Variants in SYT17 observed in about 807,000 individuals in gnomAD.
The protein encoded by SYT17 is synaptotagmin-17.
A neutral mutation model predicts 46.7 loss-of-function variants in SYT17; 22 were observed. The observed-to-expected ratio is 0.47, with a 90% CI of 0.34 to 0.67. The LOEUF (loss-of-function observed/expected upper bound fraction) is 0.67, where lower values mean the gene tolerates loss of function less well. Ranked by LOEUF, SYT17 falls within the 30% of genes least tolerant of loss-of-function variation. The pLI, the probability that SYT17 is intolerant of heterozygous loss-of-function variation, is 0.01. For synonymous variants in SYT17, 251 were observed against 248.4 expected, an observed-to-expected ratio of 1.01 and a Z score of -0.10; for missense variants, 519 against 612.8, an observed-to-expected ratio of 0.85 and a Z score of 1.62.
chr16:19,184,862 A>T (rs1964720194), intron 5 of SYT17, among the ~76,000 whole-genome samples: 1 of 152,176 alleles, frequency 6.6e-6, no homozygotes, highest in African/African-American at 2.4e-5. Flanking sequence ...AGGATGATGC[A>T]TGGATGTTTT....
intron 7 of SYT17, among the ~76,000 whole-genome samples, chr16:19,263,415 G>A (rs1279486727): frequency 1.3e-5 from 2 of 152,070 alleles, no homozygotes; most frequent in African/African-American, 4.8e-5. Context: ...GCCGAGGTGG[G>A]CAGATCACCT....
At chr16:19,259,665 C>A (rs1340807236) in intron 7 of SYT17, among the ~76,000 whole-genome samples, 1 of 148,602 alleles carries the variant, frequency 6.7e-6, no homozygotes, top group African/African-American at 2.5e-5. Context: ...CTTGTGACAT[C>A]AATTCTGAAT....
intron 7 of SYT17, among the ~76,000 whole-genome samples, chr16:19,226,396 A>G (rs538491605): frequency 6.6e-6 from 1 of 152,200 alleles, no homozygotes; most frequent in Admixed American, 6.5e-5. Flanking sequence ...AAATCAATCC[A>G]TGGCTGAAAA....
At chr16:19,197,791 C>A (rs1266237472) in intron 5 of SYT17, among the ~76,000 whole-genome samples, 2 of 152,066 alleles carry the variant, frequency 1.3e-5, no homozygotes, top group Non-Finnish European at 1.5e-5. Context: ...TGATTTGGAC[C>A]AACTTTCCTG....
At chr16:19,209,598 C>T (rs116336215) in intron 5 of SYT17, among the ~76,000 whole-genome samples, 2,375 of 152,084 alleles carry the variant, frequency 0.016, 67 homozygotes, top group African/African-American at 0.054. Context: ...CGGCTGGGCG[C>T]GGTGGCTCAC....
At chr16:19,175,619 C>A (rs1457736275) in intron 3 of SYT17, among the ~76,000 whole-genome samples, 3 of 141,298 alleles carry the variant, frequency 2.1e-5, no homozygotes, top group Admixed American at 1.5e-4. Flanking sequence ...CCACTGCAGT[C>A]CAGCTTGCGC....
At chr16:19,244,374 C>T (rs1227311008) in intron 7 of SYT17, among the ~76,000 whole-genome samples, 1 of 152,010 alleles carries the variant, frequency 6.6e-6, no homozygotes, top group Non-Finnish European at 1.5e-5. Flanking sequence ...TGCTCTGTCG[C>T]CTAGGCTGGA....
At chr16:19,222,915 G>A in intron 5 of SYT17, 130 bp from the exon 6 acceptor site, 1 of 1,212,830 alleles carries the variant, frequency 8.2e-7, no homozygotes, top group Non-Finnish European at 1.1e-6. Flanking sequence ...GTCACACACA[G>A]AGGCTCCCAC....
chr16:19,180,628 C>A, intron 4 of SYT17, 89 bp downstream of exon 4: 1 of 1,523,864 alleles, frequency 6.6e-7, no homozygotes, highest in Non-Finnish European at 9.0e-7. Context: ...AGTGTTATTG[C>A]TGGGGGAGGG....
rs1567195048 is a variant in SYT17 at position 19,171,318 on chromosome 16, TGATG to T, written c.16-1441_16-1438del. ...ATGATGATGATGATGATGATGATGA[TGATG>T]ATGATTATGATTATTATTTTAGACA... On this transcript the variant is annotated intron_variant, in intron 1 of 7. Coordinates refer to ENST00000355377, the MANE Select transcript of SYT17 (RefSeq NM_016524.4). 611 of 97,312 alleles carry T rather than the reference TGATG, an allele frequency of 6.3e-3. 5 individuals carry two copies. The highest frequency in any genetic ancestry group is 0.031 in the African/African-American group (539 of 17,382). 6.0% of individuals were successfully genotyped at this position (97,312 alleles called of 1,614,324 possible).
intron 3 of SYT17, among the ~76,000 whole-genome samples, chr16:19,177,092 A>T (rs1440353751): frequency 6.6e-6 from 1 of 152,152 alleles, no homozygotes; most frequent in Non-Finnish European, 1.5e-5. Context: ...TCTCATGTTG[A>T]GCTGGAGGAC....
intron 5 of SYT17, among the ~76,000 whole-genome samples, chr16:19,206,405 G>A (rs989918962): frequency 2.6e-5 from 4 of 152,200 alleles, no homozygotes; most frequent in Non-Finnish European, 4.4e-5. Context: ...CGGCATGGCT[G>A]AGGTCACACA....
intron 5 of SYT17, among the ~76,000 whole-genome samples, chr16:19,195,576 C>T (rs1965206158): frequency 6.6e-6 from 1 of 151,894 alleles, no homozygotes; most frequent in African/African-American, 2.4e-5. Context: ...ATTAGCTGGG[C>T]ATGGTGGTGG....
intron 7 of SYT17, among the ~76,000 whole-genome samples, chr16:19,239,012 T>G (rs1434398246): frequency 2.0e-5 from 3 of 150,766 alleles, no homozygotes; most frequent in Non-Finnish European, 4.4e-5. Context: ...GTGCCATGGC[T>G]TATACCTGTA....
chr16:19,195,399 CCT>C (rs1491340094), intron 5 of SYT17, among the ~76,000 whole-genome samples: 19 of 144,392 alleles, frequency 1.3e-4, no homozygotes, highest in South Asian at 6.5e-4. Flanking sequence ...ACAAAACAAA[CCT>C]TTTTTTTTTT....
chr16:19,238,350 T>C (rs934623157), intron 7 of SYT17, among the ~76,000 whole-genome samples: 1 of 152,244 alleles, frequency 6.6e-6, no homozygotes, highest in Non-Finnish European at 1.5e-5. Context: ...CTCAGTTGAT[T>C]GTGGTGTTGA....
chr16:19,261,491 T>A (rs1404669183), intron 7 of SYT17, among the ~76,000 whole-genome samples: 2 of 152,252 alleles, frequency 1.3e-5, no homozygotes, highest in African/African-American at 4.8e-5. Context: ...ATATTAGACT[T>A]CCTTTTAGTT....
At chr16:19,265,582 G>C (rs1969299316) in intron 7 of SYT17, among the ~76,000 whole-genome samples, 1 of 152,186 alleles carries the variant, frequency 6.6e-6, no homozygotes, top group Admixed American at 6.5e-5. Context: ...GCATATTTTA[G>C]TTGCTTTATA....
At chr16:19,196,017 C>A (rs944077398) in intron 5 of SYT17, among the ~76,000 whole-genome samples, 4 of 151,200 alleles carry the variant, frequency 2.6e-5, no homozygotes, top group African/African-American at 9.7e-5. Context: ...CAAAAAGACT[C>A]AAAAAAAAGA....
Sources: allele counts gnomAD v4.1 joint callset (sites outside exome capture counted in the v4.1 genomes callset), GRCh38; gene constraint gnomAD v4.1.1; transcripts MANE v1.5; gene names NCBI Gene and HGNC (gene_info 2026-07-23, HGNC 2026-07-21).